The following ATP8A2 variants were observed in gnomAD, a reference collection of about 807,000 sequenced individuals.
ATP8A2 encodes phospholipid-transporting ATPase IB.
ATP8A2 carries 100 observed loss-of-function variants against 165.6 expected under a neutral mutation model. The ratio of observed to expected loss-of-function variants is 0.60; its 90% CI spans 0.51 to 0.71. ATP8A2 has a LOEUF of 0.71. Among genes scored for constraint, ATP8A2 ranks in the 30% least tolerant of loss-of-function variants. The pLI is 0.00. For synonymous variants in ATP8A2, 543 were observed against 548.8 expected (o/e 0.99, Z 0.15); for missense variants, 1,227 against 1,479.5 (o/e 0.83, Z 2.80).
intron 2 of ATP8A2, 125 bp downstream of exon 2, chr13:25,469,246 C>A: frequency 8.3e-7 from 1 of 1,208,500 alleles, no homozygotes; most frequent in Non-Finnish European, 1.1e-6. Context: ...AGAGCCTTCC[C>A]CTGCCCCCTC....
chr13:26,015,260 C>A (rs1252824757), intron 36 of ATP8A2, among the ~76,000 whole-genome samples: 1 of 152,182 alleles, frequency 6.6e-6, no homozygotes, highest in Admixed American at 6.5e-5. Flanking sequence ...TCACTAACAG[C>A]CAGAGAAGAT....
intron 2 of ATP8A2, among the ~76,000 whole-genome samples, chr13:25,488,317 CT>C (rs1163909268): frequency 3.3e-5 from 5 of 152,220 alleles, no homozygotes; most frequent in African/African-American, 1.2e-4. Context: ...TGTTAAACAA[CT>C]CCCTGTTCTT....
chr13:25,543,478 G>C, intron 10 of ATP8A2, 76 bp downstream of exon 10: 1 of 967,940 alleles, frequency 1.0e-6, no homozygotes, highest in Non-Finnish European at 1.6e-6. Flanking sequence ...AAATGCAGAT[G>C]TTGCATTTAG....
chr13:25,891,265 G>A (rs1271916389), intron 33 of ATP8A2, among the ~76,000 whole-genome samples: 1 of 152,218 alleles, frequency 6.6e-6, no homozygotes, highest in Non-Finnish European at 1.5e-5. Flanking sequence ...CGTGTTGAAA[G>A]TGTGTCATAT....
chr13:25,466,785 G>A (rs563359242), intron 1 of ATP8A2, among the ~76,000 whole-genome samples: 1 of 152,282 alleles, frequency 6.6e-6, no homozygotes, highest in South Asian at 2.1e-4. Context: ...CTTTGACCAC[G>A]CACTGTTCAG....
intron 27 of ATP8A2, among the ~76,000 whole-genome samples, chr13:25,783,302 T>C (rs1253979868): frequency 1.3e-5 from 2 of 152,212 alleles, no homozygotes; most frequent in African/African-American, 2.4e-5. Context: ...GAGTAATAAC[T>C]GCAACTGTAA....
At chr13:25,739,378 A>G (rs2043857758) in intron 25 of ATP8A2, among the ~76,000 whole-genome samples, 1 of 152,264 alleles carries the variant, frequency 6.6e-6, no homozygotes. Context: ...ACTATGCAGA[A>G]TAGAAACAGT....
chr13:25,926,284 G>GAGC (rs1365217933), intron 33 of ATP8A2, among the ~76,000 whole-genome samples: 1 of 152,062 alleles, frequency 6.6e-6, no homozygotes, highest in Non-Finnish European at 1.5e-5. Context: ...CCTATACCTA[G>GAGC]AGCAGGGTCG....
At chr13:26,012,443 C>A in intron 35 of ATP8A2, 88 bp from the exon 36 acceptor site, 1 of 1,051,606 alleles carries the variant, frequency 9.5e-7, no homozygotes, top group Admixed American at 2.4e-5. Context: ...AGGTGATCCC[C>A]CACCTCATCC....
chr13:25,898,960 T>C (rs2765744), intron 33 of ATP8A2, among the ~76,000 whole-genome samples: 76,426 of 152,070 alleles, frequency 0.5, 19,993 homozygotes, highest in African/African-American at 0.64. Context: ...AGGGAATTCC[T>C]TGACCCCTTG....
intron 10 of ATP8A2, among the ~76,000 whole-genome samples, chr13:25,545,304 G>T (rs2038612867): frequency 6.6e-6 from 1 of 152,078 alleles, no homozygotes; most frequent in African/African-American, 2.4e-5. Context: ...CTGATCCATC[G>T]CCCCTGCTAG....
At chr13:25,435,912 C>CGT (rs148040890) in intron 1 of ATP8A2, among the ~76,000 whole-genome samples, 48 of 56,734 alleles carry the variant, frequency 8.5e-4, no homozygotes, top group South Asian at 2.6e-3. Flanking sequence ...GAAAAAGCAT[C>CGT]GTGTGTGTGT....
intron 24 of ATP8A2, among the ~76,000 whole-genome samples, chr13:25,696,899 A>G (rs1053025747): frequency 1.7e-4 from 26 of 152,344 alleles, no homozygotes; most frequent in Middle Eastern, 3.4e-3. Flanking sequence ...ATGGTGCACC[A>G]TGCTTTTGAC....
chr13:25,618,522 C>T (rs879489189), intron 24 of ATP8A2, among the ~76,000 whole-genome samples: 12 of 151,972 alleles, frequency 7.9e-5, no homozygotes, highest in Non-Finnish European at 1.5e-4. Flanking sequence ...GGGTTTACCT[C>T]AGTGAAGACC....
At chr13:25,526,947 T>A (rs2137881453) in intron 2 of ATP8A2, among the ~76,000 whole-genome samples, 1 of 152,028 alleles carries the variant, frequency 6.6e-6, no homozygotes, top group East Asian at 1.9e-4. Flanking sequence ...TTGGGGGAAA[T>A]TTTCCACGTG....
chr13:25,870,393 C>T (rs1952642002), intron 33 of ATP8A2, among the ~76,000 whole-genome samples: 1 of 152,158 alleles, frequency 6.6e-6, no homozygotes. Context: ...TGGACACAGG[C>T]CTGGGGGTGG....
intron 35 of ATP8A2, 64 bp from the exon 36 acceptor site, chr13:26,012,467 C>T (rs61947088): frequency 0.015 from 20,650 of 1,348,332 alleles, 206 homozygotes; most frequent in Non-Finnish European, 0.017. Context: ...CCCCTTCTGT[C>T]TGTCTCCTTG....
In ATP8A2 at chr13:25,429,371, TAAAAAAA is replaced by T. The variant is rs751056483; in HGVS notation, c.77-39583_77-39577del. ...GGCCCATAACAGTGTGACTCCATCT[TAAAAAAA>T]AAAAAAAAAAAAAAAAAAAAAAGAA... On this transcript the variant is annotated intron_variant, in intron 1 of 36. Coordinates refer to ENST00000381655, the MANE Select transcript of ATP8A2 (RefSeq NM_016529.6). 1.9e-3 allele frequency among the ~76,000 whole-genome samples: 236 copies of T among 125,980 alleles called. 10 individuals are homozygous for T. The highest frequency in any genetic ancestry group is 4.5e-3 in the East Asian group (22 of 4,882). The allele number at this position is 125,980 out of a possible 152,430, so 82.6% of individuals were successfully genotyped here. A position where few individuals can be genotyped will look rare whatever the true frequency, so the allele number is the denominator to read the frequency against.
intron 19 of ATP8A2, 66 bp downstream of exon 19, chr13:25,574,923 T>C (rs1331086431): frequency 1.1e-6 from 1 of 887,722 alleles, no homozygotes; most frequent in Non-Finnish European, 1.8e-6. Flanking sequence ...CATCAGAGTG[T>C]TTACATGATT....
Sources: gnomAD v4.1 joint callset for allele counts (sites outside exome capture counted in the v4.1 genomes callset) on GRCh38, gnomAD v4.1.1 for gene constraint, MANE v1.5 for transcripts, NCBI Gene and HGNC (gene_info 2026-07-23, HGNC 2026-07-21) for gene names.